ZNF609: variants seen among roughly 807,000 people sequenced by gnomAD.
ZNF609 encodes zinc finger protein 609.
In ZNF609, 11 loss-of-function variants were observed where a neutral mutation model predicts 109.5. The ratio of observed to expected loss-of-function variants is 0.10; its 90% CI spans 0.06 to 0.17. ZNF609 has a LOEUF of 0.17. Ranked by LOEUF, ZNF609 falls within the 10% of genes least tolerant of loss-of-function variation. The probability of loss-of-function intolerance (pLI) is 1.00; values close to 1 mark genes in which losing one functional copy is unlikely to be tolerated. For missense variants in ZNF609, 1,559 were observed against 1,772.4 expected (o/e 0.88, Z 2.16); for synonymous variants, 646 against 662.0 (o/e 0.98, Z 0.37).
intron 1 of ZNF609, among the ~76,000 whole-genome samples, chr15:64,481,319 C>CTTTTTTTTTTTTTTTTTT (rs889184379): frequency 2.4e-5 from 3 of 127,272 alleles, no homozygotes; most frequent in African/African-American, 9.1e-5. Context: ...TTTCTTTTTT[C>CTTTTTTTTTTTTTTTTTT]TTTTTTTTTT....
rs1567031951 is a variant in ZNF609, at chr15:64,622,943, G to C, written c.864G>C (p.Gly288=). The change falls in exon 3 of 10, where the codon GGG becomes GGC. Residue 288 remains glycine (G), a synonymous_variant. Coordinates refer to ENST00000326648, the MANE Select transcript of ZNF609 (RefSeq NM_015042.2). The part of the protein sequence containing the change: ...EQIMVRTRSV[G]VNTCDVALAT... ...TCATGGTTCGTACCCGATCAGTTGG[G>C]GTCAACACATGTGATGTGGCTCTGG... 1.2e-6 allele frequency: 2 copies of C among 1,614,238 alleles called. No homozygotes were observed. The highest frequency in any genetic ancestry group is 4.5e-5 in the East Asian group (2 of 44,880).
chr15:64,592,963 G>A (rs886629608), intron 2 of ZNF609: 12 of 1,010,492 alleles, frequency 1.2e-5, no homozygotes, highest in South Asian at 2.5e-5. Context: ...TGCTCTCTCC[G>A]GTCCGTGCCT....
In ZNF609 at chr15:64,531,876, G is replaced by A. The variant is rs145000544; in HGVS notation, c.747+31710G>A. Among the ~76,000 whole-genome samples the A allele has an allele frequency of 1.3e-4, 20 of 152,162 alleles. No individual in the cohort carries two copies. In the East Asian group the frequency reaches 3.7e-3, roughly 28 times the overall value. On this transcript the variant is annotated intron_variant, in intron 2 of 9. Coordinates refer to ENST00000326648, the MANE Select transcript of ZNF609 (RefSeq NM_015042.2). ...TATGTCCCTTGCTTCCATATAGTCT[G>A]TTCTTAGCACAGCAGCCAAAATGAT...
At chr15:64,485,739 G>A (rs867877773) in intron 1 of ZNF609, among the ~76,000 whole-genome samples, 4 of 152,144 alleles carry the variant, frequency 2.6e-5, no homozygotes, top group Admixed American at 6.5e-5. Context: ...GGTGGAAACC[G>A]TAGTGGGCCA....
At chr15:64,616,598 CA>C (rs1895801937) in intron 2 of ZNF609, among the ~76,000 whole-genome samples, 1 of 140,896 alleles carries the variant, frequency 7.1e-6, no homozygotes, top group African/African-American at 2.7e-5. Context: ...CGGCTCACTG[CA>C]AGCTCCACCT....
chr15:64,570,486 A>G (rs1424762919), intron 2 of ZNF609, among the ~76,000 whole-genome samples: 1 of 152,208 alleles, frequency 6.6e-6, no homozygotes. Flanking sequence ...GAGTAGCATC[A>G]TCAATTGTTC....
At position 64,675,564 on chromosome 15, in the gene ZNF609, G is replaced by C; in HGVS notation, c.2710G>C (p.Ala904Pro). 2 of 1,614,176 alleles carry C rather than the reference G, an allele frequency of 1.2e-6. No homozygotes were observed. Among genetic ancestry groups the C allele is most frequent in the Non-Finnish European group, 1.7e-6 (2 of 1,180,048 alleles). The part of the protein sequence containing the change: ...GFESYYSPSY[A>P]QSSPGALNPS... ...TGAGAGTTACTATTCTCCAAGTTATGCACAGTCCAGCCCTGGGGCTCTGAA... is the reference window on the plus strand; with the variant it reads ...TGAGAGTTACTATTCTCCAAGTTATCCACAGTCCAGCCCTGGGGCTCTGAA... Residue 904 changes from alanine to proline, a missense_variant, in exon 5 of 10, where the codon GCA becomes CCA. Ala to Pro is a conservative substitution (Grantham distance 27). Coordinates refer to ENST00000326648, the MANE Select transcript of ZNF609 (RefSeq NM_015042.2).
intron 2 of ZNF609, among the ~76,000 whole-genome samples, chr15:64,543,588 G>A (rs569751973): frequency 3.3e-5 from 5 of 151,632 alleles, no homozygotes; most frequent in South Asian, 2.1e-4. Context: ...GATTACAGGC[G>A]CCCTGCCACC....
chr15:64,675,013 C>A lies in ZNF609; in HGVS notation c.2159C>A (p.Ala720Asp). 1 of 1,613,998 alleles carries A rather than the reference C, an allele frequency of 6.2e-7. No homozygotes were observed. Among genetic ancestry groups the A allele is most frequent in the Non-Finnish European group, 8.5e-7 (1 of 1,180,020 alleles). ...VMGEPFTVNP[A>D]LTPAKDKKKK... ...GGAGAACCTTTCACAGTCAACCCTGCCTTGACTCCAGCCAAGGACAAGAAA... is the reference window on the plus strand; with the variant it reads ...GGAGAACCTTTCACAGTCAACCCTGACTTGACTCCAGCCAAGGACAAGAAA... Residue 720 changes from alanine to aspartate, a missense_variant, in exon 5 of 10, where the codon GCC becomes GAC. Coordinates refer to ENST00000326648, the MANE Select transcript of ZNF609 (RefSeq NM_015042.2).
At chr15:64,482,690 AT>A (rs1481563211) in intron 1 of ZNF609, among the ~76,000 whole-genome samples, 2 of 152,216 alleles carry the variant, frequency 1.3e-5, no homozygotes, top group East Asian at 3.8e-4. Flanking sequence ...CGTCAAGGCA[AT>A]GGGTTAGTTT....
chr15:64,680,460 C>A, intron 7 of ZNF609, 100 bp downstream of exon 7: 3 of 1,469,276 alleles, frequency 2.0e-6, no homozygotes, highest in Admixed American at 2.0e-5. Flanking sequence ...GACCACAGTG[C>A]AGCTTGGCTG....
In ZNF609 at chr15:64,681,994, G is replaced by A. The variant is rs898850555; in HGVS notation, c.*308G>A. On this transcript the variant is annotated 3_prime_UTR_variant, in exon 10 of 10. Coordinates refer to ENST00000326648, the MANE Select transcript of ZNF609 (RefSeq NM_015042.2). Reference sequence around the variant, plus strand: ...CACGGGAAGCAACCAGGGGAACATGGCCTCAGCCCAGAGAAGCCACTGCTC... The same window carrying A: ...CACGGGAAGCAACCAGGGGAACATGACCTCAGCCCAGAGAAGCCACTGCTC... 6.5e-6 allele frequency: 1 copy of A among 152,822 alleles called. No homozygotes were observed. Among genetic ancestry groups the A allele is most frequent in the African/African-American group, 2.4e-5 (1 of 41,446 alleles). 9.5% of individuals were successfully genotyped at this position (152,822 alleles called of 1,614,324 possible).
chr15:64,591,563 A>T (rs1286004943), intron 2 of ZNF609, among the ~76,000 whole-genome samples: 1 of 151,962 alleles, frequency 6.6e-6, no homozygotes, highest in Admixed American at 6.6e-5. Flanking sequence ...TCACCCTATG[A>T]AACTAGTGAA....
chr15:64,661,317 C>T (rs952596090), intron 3 of ZNF609, among the ~76,000 whole-genome samples: 3 of 152,154 alleles, frequency 2.0e-5, no homozygotes, highest in Non-Finnish European at 4.4e-5. Flanking sequence ...TCTTTCTCCT[C>T]TTATCTGAAT....
chr15:64,545,192 T>C (rs1412100795), intron 2 of ZNF609, among the ~76,000 whole-genome samples: 1 of 151,938 alleles, frequency 6.6e-6, no homozygotes, highest in East Asian at 1.9e-4. Context: ...GTATGCAGTA[T>C]ACAGGATTTT....
intron 2 of ZNF609, among the ~76,000 whole-genome samples, chr15:64,514,978 T>G (rs1893786032): frequency 6.6e-6 from 1 of 152,262 alleles, no homozygotes; most frequent in East Asian, 1.9e-4. Context: ...TTTTTTGTTG[T>G]TGTTGTTATT....
chr15:64,460,229 C>T (rs1416484954), upstream of ZNF609, among the ~76,000 whole-genome samples: 2 of 152,062 alleles, frequency 1.3e-5, no homozygotes, highest in African/African-American at 4.8e-5. Flanking sequence ...GAAGAGGTGT[C>T]TTCTGTGTTA....
chr15:64,509,271 T>C (rs1194743716), intron 2 of ZNF609, among the ~76,000 whole-genome samples: 1 of 152,134 alleles, frequency 6.6e-6, no homozygotes, highest in Non-Finnish European at 1.5e-5. Flanking sequence ...AGAAAAGATA[T>C]TCAAAAAAGA....
At chr15:64,599,178 T>G (rs1468587377) in intron 2 of ZNF609, among the ~76,000 whole-genome samples, 1 of 147,366 alleles carries the variant, frequency 6.8e-6, no homozygotes, top group African/African-American at 2.5e-5. Context: ...GTTTTTTTTT[T>G]TTTTTTTTTT....
Sources: allele counts gnomAD v4.1 joint callset (sites outside exome capture counted in the v4.1 genomes callset), GRCh38; gene constraint gnomAD v4.1.1; transcripts MANE v1.5; gene names NCBI Gene and HGNC (gene_info 2026-07-23, HGNC 2026-07-21).